Variants in ZNHIT6 observed in about 807,000 individuals in gnomAD.
The protein encoded by ZNHIT6 is zinc finger HIT-type containing 6.
Under a neutral mutation model 57.2 loss-of-function variants are expected in ZNHIT6, and 45 were observed. The observed-to-expected ratio is 0.79, with a 90% confidence interval of 0.62 to 1.01. The LOEUF is 1.01. Ranked by LOEUF, ZNHIT6 falls within the 50% of genes least tolerant of loss-of-function variation. The pLI, the probability that ZNHIT6 is intolerant of heterozygous loss-of-function variation, is 0.00. For missense variants in ZNHIT6, 528 were observed against 567.3 expected, an observed-to-expected ratio of 0.93 and a Z score of 0.70; for synonymous variants, 188 against 190.0, an observed-to-expected ratio of 0.99 and a Z score of 0.09.
In ZNHIT6 at chr1:85,666,174, T is replaced by C. The variant is rs1485075499; in HGVS notation, c.1248-8203A>G. On this transcript the variant is annotated intron_variant, in intron 8 of 9. Transcript: ENST00000370574. ...AGACTTTCCAGGAAGAAAGTATATG[T>C]GTAAGGTAAAGATAGGAGGAGAGAG... is the stretch of plus-strand genomic sequence containing the variant. 3.3e-5 allele frequency among the ~76,000 whole-genome samples: 5 copies of C among 152,142 alleles called. No individual in the cohort carries two copies. In the East Asian group the frequency reaches 7.7e-4, roughly 23 times the overall value.
chr1:85,694,595 G>C (rs1394919131), intron 5 of ZNHIT6, among the ~76,000 whole-genome samples: 1 of 152,120 alleles, frequency 6.6e-6, no homozygotes, highest in Non-Finnish European at 1.5e-5. Context: ...CCGCGTAGCT[G>C]GGATTACAGG....
intron 5 of ZNHIT6, among the ~76,000 whole-genome samples, chr1:85,699,613 T>A (rs942600990): frequency 3.3e-5 from 5 of 152,148 alleles, no homozygotes; most frequent in African/African-American, 9.7e-5. Context: ...ACTTTCTTGA[T>A]GAAAGTACAA....
chr1:85,697,367 A>AG (rs35339945), intron 5 of ZNHIT6, among the ~76,000 whole-genome samples: 129,234 of 152,102 alleles, frequency 0.85, 55,249 homozygotes, highest in East Asian at 0.95. Flanking sequence ...CTTCTCTTCA[A>AG]ATTATGAAAA....
chr1:85,657,672 C>T (rs554446483), intron 9 of ZNHIT6, among the ~76,000 whole-genome samples, 175 bp downstream of exon 9: 61 of 152,186 alleles, frequency 4.0e-4, no homozygotes, highest in South Asian at 1.2e-3. Flanking sequence ...CTCTTAGAAA[C>T]AGAAGAGTAG....
intron 5 of ZNHIT6, among the ~76,000 whole-genome samples, chr1:85,689,861 A>G (rs761010576): frequency 2.4e-4 from 37 of 152,174 alleles, no homozygotes; most frequent in Admixed American, 2.0e-4. Context: ...AAACAAAAAA[A>G]CTGTCCCATT....
rs758212466 is a variant in ZNHIT6, at chr1:85,707,630, T to C, written c.655A>G (p.Arg219Gly). 4 of 1,545,798 alleles carry C rather than the reference T, an allele frequency of 2.6e-6. No individual in the cohort carries two copies. Among genetic ancestry groups the C allele is most frequent in the African/African-American group, 2.8e-5 (2 of 72,512 alleles). ...VGCKRKLAMS[R>G]CETCGTEEAK... is the part of the protein sequence containing the mutation. ...TAAATGGAATCCCCCATGCCCTACCTTGACATGGCCAGTTTCCGCTTGCAG... is the reference window on the plus strand; with the variant it reads ...TAAATGGAATCCCCCATGCCCTACCCTGACATGGCCAGTTTCCGCTTGCAG... The change falls in exon 1 of 10, where the codon AGG becomes GGG. Residue 219 changes from arginine (R) to glycine (G), a missense_variant and splice_region_variant. Arg to Gly is a moderately radical substitution (Grantham distance 125, BLOSUM62 -2). Coordinates refer to ENST00000370574, the MANE Select transcript of ZNHIT6 (RefSeq NM_017953.4).
chr1:85,678,839 G>T (rs1661781805), intron 6 of ZNHIT6, 58 bp from the exon 7 acceptor site: 3 of 982,478 alleles, frequency 3.1e-6, no homozygotes, highest in Admixed American at 5.9e-5. Flanking sequence ...TCTACTAAAG[G>T]TGTTAATTTT....
intron 9 of ZNHIT6, among the ~76,000 whole-genome samples, chr1:85,655,275 C>CCT (rs1279947731): frequency 6.6e-6 from 1 of 152,002 alleles, no homozygotes; most frequent in Admixed American, 6.6e-5. Context: ...CAAAAATCCT[C>CCT]CTCTCTCTCC....
At chr1:85,660,666 C>T (rs1661199114) in intron 8 of ZNHIT6, among the ~76,000 whole-genome samples, 1 of 152,060 alleles carries the variant, frequency 6.6e-6, no homozygotes, top group African/African-American at 2.4e-5. Context: ...GATCCTGAAA[C>T]TGTAATGATT....
chr1:85,657,789 T>C, intron 9 of ZNHIT6, 58 bp downstream of exon 9: 1 of 1,526,356 alleles, frequency 6.6e-7, no homozygotes, highest in East Asian at 2.3e-5. Context: ...GGTGGACATA[T>C]TTTGCTTTGG....
At chr1:85,667,844 G>A (rs544950839) in intron 8 of ZNHIT6, among the ~76,000 whole-genome samples, 2 of 149,036 alleles carry the variant, frequency 1.3e-5, no homozygotes, top group African/African-American at 4.9e-5. Context: ...TGAGGCACGA[G>A]AATTGCTTGA....
At position 85,680,904 on chromosome 1, in the gene ZNHIT6, T is replaced by C; in HGVS notation, c.1020A>G (p.Lys340=). ...TCACATGCCAACAAAACTGTTGTTT[T>C]CTAAGAGAGAAAATAATCATGTGAG... is the stretch of plus-strand genomic sequence containing the variant. ...RKENSTFFDK[K]KQQFCWHVKL... The change falls in exon 6 of 10, where the codon AAA becomes AAG. Residue 340 remains lysine, a splice_region_variant and synonymous_variant. Coordinates refer to ENST00000370574, the MANE Select transcript of ZNHIT6 (RefSeq NM_017953.4). The C allele has an allele frequency of 6.2e-7, 1 of 1,610,326 alleles. No individual in the cohort carries two copies.
intron 1 of ZNHIT6, among the ~76,000 whole-genome samples, chr1:85,706,805 G>A (rs1457460176): frequency 6.6e-6 from 1 of 152,118 alleles, no homozygotes; most frequent in African/African-American, 2.4e-5. Flanking sequence ...ATTTTAACTT[G>A]TGATTCCTGG....
chr1:85,706,026 TC>T (rs1570339987), intron 4 of ZNHIT6, 51 bp downstream of exon 4: 2 of 1,323,498 alleles, frequency 1.5e-6, no homozygotes, highest in East Asian at 4.8e-5. Flanking sequence ...AAAAAAAGAA[TC>T]TAATTGATTT....
intron 1 of ZNHIT6, among the ~76,000 whole-genome samples, chr1:85,706,924 T>C (rs58296042): frequency 5.3e-5 from 8 of 152,136 alleles, no homozygotes. Flanking sequence ...CAAGTGAAAT[T>C]TAGAGAGTAG....
chr1:85,677,260 T>G lies in ZNHIT6; in HGVS notation c.1223A>C (p.Glu408Ala), dbSNP rs775680081. The G allele has an allele frequency of 1.2e-6, 2 of 1,608,836 alleles. No individual in the cohort carries two copies. Among genetic ancestry groups the G allele is most frequent in the Non-Finnish European group, 1.7e-6 (2 of 1,178,518 alleles). Residue 408 changes from glutamate to alanine, a missense_variant, in exon 8 of 10, where the codon GAA becomes GCA. Coordinates refer to ENST00000370574, the MANE Select transcript of ZNHIT6 (RefSeq NM_017953.4). Reference protein sequence around the residue: ...QTGVQILMKIEYMQQNLVRYY... With the variant: ...QTGVQILMKIAYMQQNLVRYY... ...CCTTACTAAATTTTGCTGCATATAT[T>G]CAATCTTCATTAAAATCTGAACCCC...
chr1:85,696,547 A>G (rs1662376085), intron 5 of ZNHIT6, among the ~76,000 whole-genome samples: 1 of 152,274 alleles, frequency 6.6e-6, no homozygotes, highest in South Asian at 2.1e-4. Flanking sequence ...ACAATACTGC[A>G]ATAGATATAT....
chr1:85,692,974 T>C (rs997039551), intron 5 of ZNHIT6, among the ~76,000 whole-genome samples: 2 of 152,184 alleles, frequency 1.3e-5, no homozygotes, highest in Admixed American at 6.5e-5. Flanking sequence ...TGTTTAGTAA[T>C]AGGCGCACCT....
intron 5 of ZNHIT6, among the ~76,000 whole-genome samples, chr1:85,681,573 T>C (rs577918199): frequency 6.6e-6 from 1 of 152,374 alleles, no homozygotes; most frequent in East Asian, 1.9e-4. Flanking sequence ...TACATGATGA[T>C]TTTACACAAT....
Sources: gnomAD v4.1 joint callset for allele counts (sites outside exome capture counted in the v4.1 genomes callset) on GRCh38, gnomAD v4.1.1 for gene constraint, MANE v1.5 for transcripts, NCBI Gene and HGNC (gene_info 2026-07-23, HGNC 2026-07-21) for gene names.